MYOF: variants seen among roughly 807,000 people sequenced by gnomAD.
MYOF encodes the protein fer-1-like 3, myoferlin.
Under a neutral mutation model 284.2 loss-of-function variants are expected in MYOF, and 244 were observed. The observed-to-expected ratio is 0.86, with a 90% CI of 0.77 to 0.95. MYOF has a LOEUF of 0.95. MYOF is among the 40% of genes least tolerant of loss of function. The pLI, the probability that MYOF is intolerant of heterozygous loss-of-function variation, is 0.00. For missense variants in MYOF, 2,496 were observed against 2,560.6 expected (o/e 0.97, Z 0.54); for synonymous variants, 904 against 919.7 (o/e 0.98, Z 0.31).
chr10:93,328,296 C>T (rs562863782), intron 45 of MYOF, among the ~76,000 whole-genome samples: 4 of 152,158 alleles, frequency 2.6e-5, no homozygotes, highest in Non-Finnish European at 1.5e-5. Context: ...CAGGACAGGT[C>T]GGATTATAAA....
chr10:93,341,970 C>T (rs1258678733), intron 38 of MYOF: 1 of 1,289,640 alleles, frequency 7.8e-7, no homozygotes, highest in Non-Finnish European at 1.0e-6. Context: ...TGCTTAAGCA[C>T]TGGAATTGGA....
In MYOF at chr10:93,356,829, T is replaced by C; in HGVS notation, c.3140A>G (p.Asp1047Gly). The part of the protein sequence containing the change: ...STARAMEELQ[D>G]QEGWEYASLI... ...AGAAGCATATTCCCAGCCCTCTTGGTCTTGCAATTCCTCCATGGCCTAAAA... is the reference window on the plus strand; with the variant it reads ...AGAAGCATATTCCCAGCCCTCTTGGCCTTGCAATTCCTCCATGGCCTAAAA... The change falls in exon 30 of 54, where the codon GAC becomes GGC. Residue 1047 changes from aspartate to glycine, a missense_variant. Physicochemically the swap from Asp to Gly is moderately conservative, Grantham distance 94. This residue lies in a region of MYOF where 2,436 missense variants were observed against 2,480.7 expected (regional missense o/e 0.98). Coordinates refer to ENST00000359263, the MANE Select transcript of MYOF (RefSeq NM_013451.4). The C allele has an allele frequency of 6.2e-7, 1 of 1,613,096 alleles. No individual in the cohort carries two copies.
At chr10:93,360,030 A>G (rs766409860) in intron 28 of MYOF, 52 bp from the exon 29 acceptor site, 24 of 1,604,734 alleles carry the variant, frequency 1.5e-5, no homozygotes, top group Middle Eastern at 3.3e-4. Flanking sequence ...TTGCCAGATC[A>G]CCAAATAAAC....
chr10:93,391,822 C>A (rs767446857), intron 17 of MYOF, among the ~76,000 whole-genome samples: 17 of 152,294 alleles, frequency 1.1e-4, no homozygotes, highest in Non-Finnish European at 1.9e-4. Context: ...ATTTTCCATG[C>A]CTCCTTTACC....
intron 19 of MYOF, among the ~76,000 whole-genome samples, chr10:93,385,197 C>A (rs746322766): frequency 1.3e-4 from 20 of 152,088 alleles, no homozygotes; most frequent in Non-Finnish European, 2.5e-4. Flanking sequence ...AAAATGGAGT[C>A]CTTTAGTGGC....
chr10:93,334,310 CACTCCCAGGCAA>C (rs1466794348), intron 41 of MYOF, among the ~76,000 whole-genome samples: 1 of 151,440 alleles, frequency 6.6e-6, no homozygotes, highest in African/African-American at 2.5e-5. Flanking sequence ...CTCCACCTCC[CACTCCCAGGCAA>C]ACTCCTGTTT....
At chr10:93,342,899 G>A (rs143221758) in intron 38 of MYOF, among the ~76,000 whole-genome samples, 286 of 152,286 alleles carry the variant, frequency 1.9e-3, no homozygotes, top group African/African-American at 6.3e-3. Flanking sequence ...AGTAGTTTTG[G>A]CCCATGAGAT....
chr10:93,425,948 C>T, intron 5 of MYOF, 123 bp downstream of exon 5: 1 of 999,548 alleles, frequency 1.0e-6, no homozygotes, highest in South Asian at 1.5e-5. Context: ...CTCGGGGCCC[C>T]TGTCTGGGTG....
At chr10:93,309,528 G>A (rs1335458975) in intron 53 of MYOF, among the ~76,000 whole-genome samples, 1 of 152,122 alleles carries the variant, frequency 6.6e-6, no homozygotes, top group Non-Finnish European at 1.5e-5. Flanking sequence ...AACAAAATTG[G>A]CAAAGGCATC....
intron 1 of MYOF, among the ~76,000 whole-genome samples, chr10:93,459,350 A>G (rs1384203761): frequency 6.6e-6 from 1 of 152,206 alleles, no homozygotes; most frequent in Non-Finnish European, 1.5e-5. Context: ...AATGGTTTCT[A>G]TGTGTAATTG....
chr10:93,418,654 C>T (rs916023538), intron 5 of MYOF, among the ~76,000 whole-genome samples: 5 of 152,320 alleles, frequency 3.3e-5, no homozygotes, highest in African/African-American at 9.6e-5. Flanking sequence ...ACGACTGCAG[C>T]GTTTCTCAAA....
intron 1 of MYOF, among the ~76,000 whole-genome samples, chr10:93,475,684 A>G (rs2057244195): frequency 1.3e-5 from 2 of 152,196 alleles, no homozygotes; most frequent in Admixed American, 1.3e-4. Context: ...GTTGCAGAGG[A>G]TATAACAATC....
In MYOF at chr10:93,359,892, G is replaced by A. The variant is rs766517143; in HGVS notation, c.3061C>T (p.Arg1021Ter). ...TTCTTGCGTTTTCGGACCAGCCTTC[G>A]CCGTCTATGAGTGTGGTACATTTTC... Reference protein sequence around the residue: ...AEKMYHTHRRRRLVRKRKKDL... With the variant: ...AEKMYHTHRR The change falls in exon 29 of 54, where the codon CGA becomes TGA. Residue 1021 changes from arginine to a stop codon, truncating the protein, a stop_gained. Coordinates refer to ENST00000359263, the MANE Select transcript of MYOF (RefSeq NM_013451.4). LOFTEE classifies it high-confidence loss of function. 8 of 1,614,114 alleles carry A rather than the reference G, an allele frequency of 5.0e-6. No individual in the cohort carries two copies. Among genetic ancestry groups the A allele is most frequent in the Non-Finnish European group, 3.4e-6 (4 of 1,180,020 alleles).
chr10:93,365,463 A>G (rs10882222), intron 26 of MYOF, among the ~76,000 whole-genome samples: 6,915 of 152,242 alleles, frequency 0.045, 372 homozygotes, highest in African/African-American at 0.14. Context: ...CACATATATG[A>G]AATTCATCCA....
intron 3 of MYOF, among the ~76,000 whole-genome samples, chr10:93,448,140 C>T (rs1269922462): frequency 2.0e-5 from 3 of 152,190 alleles, no homozygotes; most frequent in African/African-American, 7.2e-5. Context: ...CCAGCATCCC[C>T]AGTGCACTCC....
intron 2 of MYOF, among the ~76,000 whole-genome samples, chr10:93,454,178 A>G (rs978625621): frequency 6.6e-6 from 1 of 152,136 alleles, no homozygotes; most frequent in Admixed American, 6.6e-5. Flanking sequence ...GCAAAACTCC[A>G]TCTTAAAAGA....
At chr10:93,389,686 A>T (rs1483613338) in intron 17 of MYOF, among the ~76,000 whole-genome samples, 1 of 152,236 alleles carries the variant, frequency 6.6e-6, no homozygotes, top group Non-Finnish European at 1.5e-5. Flanking sequence ...TGATATTCAT[A>T]AATGACATGA....
chr10:93,367,756 G>A (rs1385347214), intron 25 of MYOF, among the ~76,000 whole-genome samples: 1 of 151,778 alleles, frequency 6.6e-6, no homozygotes, highest in Admixed American at 6.6e-5. Context: ...AGGACAGTAA[G>A]AAAAAAGTAT....
At chr10:93,377,180 G>A in intron 22 of MYOF, 143 bp downstream of exon 22, 1 of 627,276 alleles carries the variant, frequency 1.6e-6, no homozygotes. Flanking sequence ...ACTCCTCCCA[G>A]TGAGGACTTT....
Sources: allele counts gnomAD v4.1 joint callset (sites outside exome capture counted in the v4.1 genomes callset), GRCh38; gene constraint gnomAD v4.1.1; regional missense constraint gnomAD v4.1.1; transcripts MANE v1.5; gene names NCBI Gene and HGNC (gene_info 2026-07-23, HGNC 2026-07-21).